Variants in BTBD9 observed in about 807,000 individuals in gnomAD.
BTBD9 encodes the protein BTB/POZ domain-containing protein 9.
A neutral mutation model predicts 64.3 loss-of-function variants in BTBD9; 49 were observed. The ratio of observed to expected loss-of-function variants is 0.76; its 90% CI spans 0.61 to 0.97. The LOEUF (loss-of-function observed/expected upper bound fraction) is 0.97, where lower values mean the gene tolerates loss of function less well. BTBD9 is among the 50% of genes least tolerant of loss of function. The pLI, the probability that BTBD9 is intolerant of heterozygous loss-of-function variation, is 0.00. For synonymous variants in BTBD9, 260 were observed against 274.7 expected (o/e 0.95, Z 0.53); for missense variants, 598 against 762.1 (o/e 0.78, Z 2.53).
chr6:38,328,661 T>C (rs1405729592), intron 7 of BTBD9, among the ~76,000 whole-genome samples: 2 of 149,290 alleles, frequency 1.3e-5, no homozygotes, highest in Non-Finnish European at 3.0e-5. Flanking sequence ...AATACGTATA[T>C]TTGGGGCCGG....
At chr6:38,601,287 T>C (rs1269864543) in intron 1 of BTBD9, among the ~76,000 whole-genome samples, 2 of 152,238 alleles carry the variant, frequency 1.3e-5, no homozygotes, top group South Asian at 2.1e-4. Context: ...TTGAATCTTA[T>C]TGCAAAGATG....
chr6:38,527,377 C>T (rs564928520), intron 6 of BTBD9, among the ~76,000 whole-genome samples: 206 of 150,540 alleles, frequency 1.4e-3, no homozygotes, highest in African/African-American at 4.7e-3. Flanking sequence ...TAATTGTAAT[C>T]CCCATGTATC....
At chr6:38,504,792 C>T (rs1343603946) in intron 6 of BTBD9, among the ~76,000 whole-genome samples, 1 of 152,114 alleles carries the variant, frequency 6.6e-6, no homozygotes, top group Non-Finnish European at 1.5e-5. Context: ...GAATGTTCAT[C>T]AATAGTGAAA....
At position 38,505,626 on chromosome 6, in the gene BTBD9, GA is replaced by G. The variant is rs1263669304; in HGVS notation, c.1154+71973del. On this transcript the variant is annotated intron_variant, in intron 6 of 10. Coordinates refer to ENST00000481247, the MANE Select transcript of BTBD9 (RefSeq NM_001099272.2). Reference sequence around the variant, plus strand: ...GCGACACAGCGAGACTCTGTCTCAAGAAAAAAAAAAAATCCCCCATGCAACT... The same window carrying G: ...GCGACACAGCGAGACTCTGTCTCAAGAAAAAAAAAAATCCCCCATGCAACT... 4.4e-3 allele frequency among the ~76,000 whole-genome samples: 611 copies of G among 137,720 alleles called. 4 individuals carry two copies. The highest frequency in any genetic ancestry group is 0.013 in the African/African-American group (482 of 37,612). 90.3% of individuals were successfully genotyped at this position (137,720 alleles called of 152,430 possible). A position where few individuals can be genotyped will look rare whatever the true frequency, so the allele number is the denominator to read the frequency against.
At chr6:38,611,301 T>C (rs1342176032) in intron 1 of BTBD9, among the ~76,000 whole-genome samples, 1 of 152,208 alleles carries the variant, frequency 6.6e-6, no homozygotes, top group African/African-American at 2.4e-5. Context: ...GGAAGTTTTA[T>C]GATTAAACTT....
At chr6:38,460,434 G>A (rs1770024317) in intron 6 of BTBD9, among the ~76,000 whole-genome samples, 1 of 152,158 alleles carries the variant, frequency 6.6e-6, no homozygotes, top group South Asian at 2.1e-4. Context: ...CACCGCAGTT[G>A]CGTATTTATT....
intron 7 of BTBD9, among the ~76,000 whole-genome samples, chr6:38,321,473 G>A (rs1763227186): frequency 6.6e-6 from 1 of 152,186 alleles, no homozygotes; most frequent in Admixed American, 6.5e-5. Context: ...GAGAGGAAGA[G>A]GGGGAGGGAA....
At chr6:38,273,100 G>A (rs972676785) in intron 8 of BTBD9, among the ~76,000 whole-genome samples, 1 of 152,176 alleles carries the variant, frequency 6.6e-6, no homozygotes, top group African/African-American at 2.4e-5. Context: ...AGGACATGGA[G>A]CACTCCCTGT....
At chr6:38,501,824 C>T (rs1223942127) in intron 6 of BTBD9, among the ~76,000 whole-genome samples, 1 of 152,078 alleles carries the variant, frequency 6.6e-6, no homozygotes, top group African/African-American at 2.4e-5. Flanking sequence ...CAAGGCTACT[C>T]TCTCCATTAA....
intron 9 of BTBD9, among the ~76,000 whole-genome samples, chr6:38,238,781 T>G (rs9349060): frequency 0.1 from 15,574 of 152,100 alleles, 1,188 homozygotes; most frequent in East Asian, 0.45. Context: ...CCGAGACCAA[T>G]GTTTTATCAT....
intron 6 of BTBD9, among the ~76,000 whole-genome samples, chr6:38,556,357 T>A (rs1010256059): frequency 6.6e-6 from 1 of 152,152 alleles, no homozygotes; most frequent in African/African-American, 2.4e-5. Flanking sequence ...AAAATTAAAA[T>A]CTTGATTTAT....
intron 1 of BTBD9, among the ~76,000 whole-genome samples, chr6:38,623,005 C>G (rs1699004): frequency 6.6e-6 from 1 of 151,850 alleles, no homozygotes; most frequent in Admixed American, 6.6e-5. Context: ...AATGGGAAAA[C>G]AGAACACAGG....
chr6:38,633,665 T>C (rs1425417263), intron 1 of BTBD9, among the ~76,000 whole-genome samples: 3 of 152,190 alleles, frequency 2.0e-5, no homozygotes, highest in Non-Finnish European at 1.5e-5. Flanking sequence ...CTGTTAAAAC[T>C]GAACACTTAG....
intron 10 of BTBD9, among the ~76,000 whole-genome samples, chr6:38,176,700 G>A (rs1761270547): frequency 6.6e-6 from 1 of 152,082 alleles, no homozygotes; most frequent in South Asian, 2.1e-4. Context: ...CACTATTTGG[G>A]CCATCAGCTC....
chr6:38,174,110 A>G lies in BTBD9; in HGVS notation c.*875T>C, dbSNP rs1026461298. On this transcript the variant is annotated 3_prime_UTR_variant, in exon 11 of 11. Transcript: ENST00000481247. Reference sequence around the variant, plus strand: ...CCCCGGCAGGTTTGGCCACGCCAGAACTCGGTATATGTTTATCTACATGGA... The same window carrying G: ...CCCCGGCAGGTTTGGCCACGCCAGAGCTCGGTATATGTTTATCTACATGGA... 2.6e-4 allele frequency: 39 copies of G among 152,180 alleles called. No homozygotes were observed. The highest frequency in any genetic ancestry group is 7.7e-4 in the African/African-American group (32 of 41,430). The allele number at this position is 152,180 out of a possible 1,614,324, so 9.4% of individuals were successfully genotyped here.
chr6:38,342,220 T>C (rs1395656453), intron 7 of BTBD9, among the ~76,000 whole-genome samples: 2 of 151,898 alleles, frequency 1.3e-5, no homozygotes, highest in Non-Finnish European at 2.9e-5. Flanking sequence ...AAGAAAAATG[T>C]TCTGAATCTA....
intron 8 of BTBD9, among the ~76,000 whole-genome samples, chr6:38,265,802 G>A (rs1274629900): frequency 6.6e-6 from 1 of 152,174 alleles, no homozygotes; most frequent in African/African-American, 2.4e-5. Flanking sequence ...TTACAGGCGT[G>A]AGCTACCACA....
intron 7 of BTBD9, among the ~76,000 whole-genome samples, chr6:38,300,869 T>C (rs1433705874): frequency 6.6e-6 from 1 of 152,212 alleles, no homozygotes; most frequent in Non-Finnish European, 1.5e-5. Flanking sequence ...CCTGACTGAT[T>C]GCCCTGGCCA....
intron 6 of BTBD9, among the ~76,000 whole-genome samples, chr6:38,438,226 G>T (rs868454992): frequency 1.2e-5 from 1 of 80,834 alleles, no homozygotes; most frequent in African/African-American, 4.8e-5. Context: ...GAGGGAGGGA[G>T]GGAGGGAGGG....
Sources: allele counts gnomAD v4.1 joint callset (sites outside exome capture counted in the v4.1 genomes callset), GRCh38; gene constraint gnomAD v4.1.1; transcripts MANE v1.5; gene names NCBI Gene and HGNC (gene_info 2026-07-23, HGNC 2026-07-21).